Variants in SPAG16 observed in about 807,000 individuals in gnomAD.
The protein encoded by SPAG16 is sperm-associated antigen 16 protein.
Under a neutral mutation model 80.4 loss-of-function variants are expected in SPAG16, and 86 were observed. The observed-to-expected ratio is 1.07, with a 90% CI of 0.90 to 1.28. SPAG16 has a LOEUF of 1.28. SPAG16 is among the 50% of genes most tolerant of loss of function. SPAG16 has a pLI of 0.00. For missense variants in SPAG16, 870 were observed against 765.3 expected, an observed-to-expected ratio of 1.14 and a Z score of -1.61; for synonymous variants, 294 against 265.9, an observed-to-expected ratio of 1.11 and a Z score of -1.03.
At chr2:214,281,773 A>C (rs2125914882) in intron 15 of SPAG16, among the ~76,000 whole-genome samples, 1 of 152,368 alleles carries the variant, frequency 6.6e-6, no homozygotes, top group African/African-American at 2.4e-5. Flanking sequence ...CAATAGTCAA[A>C]AACTAGAAAT....
intron 12 of SPAG16, among the ~76,000 whole-genome samples, chr2:213,995,829 G>T (rs2046488695): frequency 2.0e-5 from 3 of 152,206 alleles, no homozygotes; most frequent in Admixed American, 2.0e-4. Flanking sequence ...GATGAATCCT[G>T]TGGTGTTTCC....
chr2:214,195,163 C>T (rs2057788692), intron 15 of SPAG16, among the ~76,000 whole-genome samples: 1 of 151,892 alleles, frequency 6.6e-6, no homozygotes, highest in South Asian at 2.1e-4. Flanking sequence ...AATAACACTT[C>T]CAGGCACAAG....
intron 13 of SPAG16, among the ~76,000 whole-genome samples, chr2:214,043,316 G>T (rs1006612180): frequency 7.2e-5 from 11 of 152,140 alleles, no homozygotes; most frequent in African/African-American, 2.7e-4. Flanking sequence ...GACATCTTGT[G>T]AAGTGCATTT....
At chr2:214,255,434 T>C (rs1303823105) in intron 15 of SPAG16, among the ~76,000 whole-genome samples, 3 of 152,192 alleles carry the variant, frequency 2.0e-5, no homozygotes, top group South Asian at 4.1e-4. Flanking sequence ...CATTTTATTA[T>C]AGCTAATTTA....
At chr2:213,719,568 G>C (rs10084470) in intron 10 of SPAG16, among the ~76,000 whole-genome samples, 50,444 of 152,064 alleles carry the variant, frequency 0.33, 9,500 homozygotes, top group East Asian at 0.54. Flanking sequence ...GGCCAGATAA[G>C]AGAATAAAAG....
chr2:213,969,109 T>C (rs1475756369), intron 12 of SPAG16, among the ~76,000 whole-genome samples: 1 of 152,122 alleles, frequency 6.6e-6, no homozygotes, highest in Non-Finnish European at 1.5e-5. Flanking sequence ...TGTGTAGTGG[T>C]GTGAAATTAA....
At chr2:213,650,957 A>C (rs2062996672) in intron 10 of SPAG16, among the ~76,000 whole-genome samples, 1 of 152,178 alleles carries the variant, frequency 6.6e-6, no homozygotes, top group South Asian at 2.1e-4. Context: ...TTCAGCCATT[A>C]TGATTAGATT....
chr2:213,830,741 T>C (rs2250113), intron 10 of SPAG16, among the ~76,000 whole-genome samples: 4,626 of 152,288 alleles, frequency 0.03, 242 homozygotes, highest in African/African-American at 0.1. Context: ...CAGTACTCCC[T>C]GAATCTCATT....
At chr2:214,280,104 A>G (rs1010443596) in intron 15 of SPAG16, among the ~76,000 whole-genome samples, 2 of 152,206 alleles carry the variant, frequency 1.3e-5, no homozygotes, top group Non-Finnish European at 2.9e-5. Flanking sequence ...GCAGAAAGGA[A>G]AGTATAAATA....
At chr2:213,416,554 T>G (rs1323404234) in intron 9 of SPAG16, among the ~76,000 whole-genome samples, 1 of 152,012 alleles carries the variant, frequency 6.6e-6, no homozygotes, top group Admixed American at 6.6e-5. Flanking sequence ...TTGTTTTTTC[T>G]TTTTTTGTTA....
At chr2:214,122,567 G>T (rs1031161439) in intron 14 of SPAG16, among the ~76,000 whole-genome samples, 1 of 151,760 alleles carries the variant, frequency 6.6e-6, no homozygotes, top group Non-Finnish European at 1.5e-5. Flanking sequence ...TCAATCTCTG[G>T]CCATTTTATA....
rs370556190 is a variant in SPAG16, at chr2:214,089,066, C to G, written c.1528-19130C>G. Among the ~76,000 whole-genome samples, 8 of 152,196 alleles carry G rather than the reference C, an allele frequency of 5.3e-5. No individual in the cohort carries two copies. In the East Asian group the frequency reaches 1.4e-3, roughly 26 times the overall value. On this transcript the variant is annotated intron_variant, in intron 13 of 15. Coordinates refer to ENST00000331683, the MANE Select transcript of SPAG16 (RefSeq NM_024532.5). Reference sequence around the variant, plus strand: ...AAAATAGAGAATATATTAATATGCTCTGTATCTATTCCATTCCCACCTTCT... The same window carrying G: ...AAAATAGAGAATATATTAATATGCTGTGTATCTATTCCATTCCCACCTTCT...
At chr2:214,379,749 T>C (rs542240115) in intron 15 of SPAG16, among the ~76,000 whole-genome samples, 54 of 152,348 alleles carry the variant, frequency 3.5e-4, no homozygotes, top group African/African-American at 1.2e-3. Context: ...CACAGTCACA[T>C]TGATCATCAG....
chr2:213,991,347 G>T (rs937167800), intron 12 of SPAG16, among the ~76,000 whole-genome samples: 1 of 151,994 alleles, frequency 6.6e-6, no homozygotes, highest in African/African-American at 2.4e-5. Context: ...CCTTTTTATG[G>T]CTGCATAGTA....
At chr2:213,344,537 A>G (rs1164248846) in intron 6 of SPAG16, among the ~76,000 whole-genome samples, 2 of 151,508 alleles carry the variant, frequency 1.3e-5, no homozygotes, top group Non-Finnish European at 2.9e-5. Context: ...CACTTCCCAC[A>G]CCCCACAACA....
At chr2:213,927,749 A>C (rs955373820) in intron 11 of SPAG16, among the ~76,000 whole-genome samples, 2 of 152,198 alleles carry the variant, frequency 1.3e-5, no homozygotes, top group African/African-American at 2.4e-5. Context: ...CAAAATAAGC[A>C]TATAAAACTT....
intron 10 of SPAG16, among the ~76,000 whole-genome samples, chr2:213,859,166 G>A (rs1379814704): frequency 1.3e-4 from 11 of 82,214 alleles, no homozygotes; most frequent in Middle Eastern, 0.015. Context: ...GCAACAGAGC[G>A]ACACTCCGTC....
rs371910199 is a variant in SPAG16, at chr2:213,809,350, G to T, written c.1071-53135G>T. ...TTGGTTCTGTGGAAAGGTGGACTTG[G>T]GTATGTACTGTAAGTTGGAAAAAGG... On this transcript the variant is annotated intron_variant, in intron 10 of 15. Coordinates refer to ENST00000331683, the MANE Select transcript of SPAG16 (RefSeq NM_024532.5). 3.4e-4 allele frequency among the ~76,000 whole-genome samples: 52 copies of T among 152,160 alleles called. No individual in the cohort carries two copies. The East Asian group carries it at 9.9e-3, about 29-fold the overall frequency.
At chr2:213,658,183 C>G (rs74714976) in intron 10 of SPAG16, among the ~76,000 whole-genome samples, 9,064 of 152,112 alleles carry the variant, frequency 0.06, 890 homozygotes, top group African/African-American at 0.2. Context: ...TAAAATCTTA[C>G]AAGCCTACTC....
Sources: gnomAD v4.1 joint callset for allele counts (sites outside exome capture counted in the v4.1 genomes callset) on GRCh38, gnomAD v4.1.1 for gene constraint, MANE v1.5 for transcripts, NCBI Gene and HGNC (gene_info 2026-07-23, HGNC 2026-07-21) for gene names.